Variants in RAD51B observed in about 807,000 individuals in gnomAD.
RAD51B encodes the protein RAD51 paralog B, also known as DNA repair protein RAD51 homolog 2.
A neutral mutation model predicts 42.2 loss-of-function variants in RAD51B; 38 were observed. That is an observed-to-expected ratio of 0.90 (90% CI 0.70 to 1.18). RAD51B has a LOEUF of 1.18. Ranked by LOEUF, RAD51B falls within the 50% of genes most tolerant of loss-of-function variation. RAD51B has a pLI of 0.00. For synonymous variants in RAD51B, 154 were observed against 145.2 expected (o/e 1.06, Z -0.43); for missense variants, 373 against 400.7 (o/e 0.93, Z 0.59).
chr14:68,338,996 C>G (rs1324454138), intron 8 of RAD51B: 2 of 657,006 alleles, frequency 3.0e-6, no homozygotes, highest in Non-Finnish European at 5.6e-6. Flanking sequence ...AAGGGACCCC[C>G]TTTTTACAAC....
At chr14:68,306,437 A>AT (rs1051028800) in intron 8 of RAD51B, among the ~76,000 whole-genome samples, 5 of 152,050 alleles carry the variant, frequency 3.3e-5, no homozygotes, top group South Asian at 4.1e-4. Flanking sequence ...GTAAGAAATC[A>AT]TTTTTTTTCT....
chr14:67,932,446 G>A (rs918599873), intron 7 of RAD51B, among the ~76,000 whole-genome samples: 4 of 152,286 alleles, frequency 2.6e-5, no homozygotes, highest in Middle Eastern at 3.4e-3. Flanking sequence ...TGGTGGTAGC[G>A]GTGGGCTGAT....
rs78457056 is a variant in RAD51B at position 67,825,362 on chromosome 14, A to T, written c.85-102A>T. 8.2e-4 allele frequency: 564 copies of T among 688,054 alleles called. 5 individuals are homozygous for T. In the East Asian group the frequency reaches 0.016, roughly 19 times the overall value. 42.6% of individuals were successfully genotyped at this position (688,054 alleles called of 1,614,324 possible). On this transcript the variant is annotated intron_variant, in intron 2 of 10. Coordinates refer to ENST00000471583, the MANE Select transcript of RAD51B (RefSeq NM_133510.4). ...ATAAATCTTTGATCTGCGATAAATT[A>T]TACTTTTGTCTACATAAGCAGTATC...
chr14:68,477,986 A>C lies in RAD51B; in HGVS notation c.*322A>C. On this transcript the variant is annotated 3_prime_UTR_variant, in exon 11 of 11. Transcript: ENST00000471583. ...CCAGGCACCTCAAAGCGGTTTAACC[A>C]CATTAATTAATTAAAGCCCACAATC... 1 of 1,126,486 alleles carries C rather than the reference A, an allele frequency of 8.9e-7. No individual in the cohort carries two copies. Among genetic ancestry groups the C allele is most frequent in the Non-Finnish European group, 1.1e-6 (1 of 919,956 alleles). 69.8% of individuals were successfully genotyped at this position (1,126,486 alleles called of 1,614,324 possible).
intron 10 of RAD51B, among the ~76,000 whole-genome samples, chr14:68,619,840 C>A (rs571728050): frequency 2.6e-5 from 4 of 152,194 alleles, no homozygotes; most frequent in African/African-American, 7.2e-5. Context: ...CATAGTGCAC[C>A]TTTTCTGTCT....
chr14:68,007,322 T>C (rs943661816), intron 7 of RAD51B, among the ~76,000 whole-genome samples: 5 of 152,138 alleles, frequency 3.3e-5, no homozygotes, highest in Non-Finnish European at 7.4e-5. Flanking sequence ...CTGCTATGAA[T>C]ACTTGTATCT....
At chr14:68,168,336 G>A (rs1427543147) in intron 7 of RAD51B, among the ~76,000 whole-genome samples, 1 of 152,088 alleles carries the variant, frequency 6.6e-6, no homozygotes, top group Non-Finnish European at 1.5e-5. Context: ...GATAGTGATG[G>A]TGGTGATGAT....
intron 4 of RAD51B, among the ~76,000 whole-genome samples, chr14:67,845,085 G>A (rs995757239): frequency 1.3e-5 from 2 of 152,074 alleles, no homozygotes; most frequent in East Asian, 1.9e-4. Flanking sequence ...TATAATTGGG[G>A]CATTTAGCTT....
In RAD51B at chr14:67,921,602, C is replaced by T. The variant is rs1286689649; in HGVS notation, c.756+34398C>T. On this transcript the variant is annotated intron_variant, in intron 7 of 10. Coordinates refer to ENST00000471583, the MANE Select transcript of RAD51B (RefSeq NM_133510.4). The stretch of plus-strand genomic sequence containing the variant: ...ACACACACACACACACACACACACA[C>T]ACACACACACACACACACACATTTT... Among the ~76,000 whole-genome samples, 13 of 151,040 alleles carry T rather than the reference C, an allele frequency of 8.6e-5. No homozygotes were observed. In the South Asian group the frequency reaches 2.9e-3, roughly 34 times the overall value.
At chr14:68,205,456 T>TGA (rs1169983972) in intron 7 of RAD51B, among the ~76,000 whole-genome samples, 1 of 151,662 alleles carries the variant, frequency 6.6e-6, no homozygotes, top group African/African-American at 2.4e-5. Context: ...CTCTGAGAGG[T>TGA]GAGAGAGAGA....
chr14:68,370,973 G>A (rs1186969536), intron 8 of RAD51B, among the ~76,000 whole-genome samples: 1 of 139,162 alleles, frequency 7.2e-6, no homozygotes, highest in Admixed American at 8.3e-5. Flanking sequence ...GGAGGTGGAG[G>A]CTGCAGTGAG....
intron 9 of RAD51B, among the ~76,000 whole-genome samples, chr14:68,463,581 A>G (rs1244116578): frequency 6.6e-6 from 1 of 152,140 alleles, no homozygotes; most frequent in Non-Finnish European, 1.5e-5. Flanking sequence ...AGTGTATAAT[A>G]CTAGCATATG....
intron 10 of RAD51B, among the ~76,000 whole-genome samples, chr14:68,521,907 A>G (rs936905543): frequency 3.9e-5 from 6 of 152,216 alleles, no homozygotes; most frequent in African/African-American, 1.4e-4. Flanking sequence ...GAAGTTAACC[A>G]TAACATAGGG....
chr14:68,143,472 C>T (rs2078179521), intron 7 of RAD51B, among the ~76,000 whole-genome samples: 1 of 152,196 alleles, frequency 6.6e-6, no homozygotes. Flanking sequence ...GTGAGCAAAA[C>T]ATTGAAGCAG....
chr14:68,543,822 C>CA (rs1888088738), intron 10 of RAD51B, among the ~76,000 whole-genome samples: 1 of 152,184 alleles, frequency 6.6e-6, no homozygotes, highest in South Asian at 2.1e-4. Context: ...GCAATTGAGG[C>CA]ATATTAAATG....
At chr14:67,909,847 G>A (rs1054617337) in intron 7 of RAD51B, among the ~76,000 whole-genome samples, 4 of 151,880 alleles carry the variant, frequency 2.6e-5, no homozygotes, top group African/African-American at 9.7e-5. Context: ...TTAAAGATGC[G>A]GTCTCACCAT....
chr14:68,554,138 T>G (rs1888713513), intron 10 of RAD51B, among the ~76,000 whole-genome samples: 1 of 152,150 alleles, frequency 6.6e-6, no homozygotes, highest in Non-Finnish European at 1.5e-5. Context: ...TGTAAATAGG[T>G]AGTTGACTGT....
chr14:68,540,983 G>T, intron 10 of RAD51B: 29 of 985,408 alleles, frequency 2.9e-5, no homozygotes, highest in Non-Finnish European at 3.4e-5. Flanking sequence ...CATAAAAAGT[G>T]GTTGTTATTG....
At chr14:68,223,991 TTTGTTGTTCTTCTTACTG>T (rs1288691132) in intron 7 of RAD51B, among the ~76,000 whole-genome samples, 5 of 152,208 alleles carry the variant, frequency 3.3e-5, no homozygotes, top group African/African-American at 1.2e-4. Flanking sequence ...GCCATGTTTT[TTTGTTGTTCTTCTTACTG>T]AGAAACACAC....
Sources: allele counts gnomAD v4.1 joint callset (sites outside exome capture counted in the v4.1 genomes callset), GRCh38; gene constraint gnomAD v4.1.1; transcripts MANE v1.5; gene names NCBI Gene and HGNC (gene_info 2026-07-23, HGNC 2026-07-21).